The following PSMD14 variants were observed in gnomAD, a reference collection of about 807,000 sequenced individuals.
The protein encoded by PSMD14 is ubiquitin C-terminal hydrolase PSMD14.
In PSMD14, 7 loss-of-function variants were observed where a neutral mutation model predicts 41.2. The observed-to-expected ratio is 0.17, with a 90% CI of 0.10 to 0.32. PSMD14 has a LOEUF of 0.32. PSMD14 is among the 10% of genes least tolerant of loss of function. PSMD14 has a pLI of 1.00. For synonymous variants in PSMD14, 114 were observed against 122.3 expected (o/e 0.93, Z 0.45); for missense variants, 139 against 375.6 (o/e 0.37, Z 5.21).
At chr2:161,309,310 T>C (rs1689061792) in intron 1 of PSMD14, among the ~76,000 whole-genome samples, 1 of 152,184 alleles carries the variant, frequency 6.6e-6, no homozygotes, top group African/African-American at 2.4e-5. Flanking sequence ...ATGTAAACTT[T>C]TGAGTCTATA....
At chr2:161,331,960 A>G (rs944343252) in intron 3 of PSMD14, among the ~76,000 whole-genome samples, 1 of 152,190 alleles carries the variant, frequency 6.6e-6, no homozygotes, top group Non-Finnish European at 1.5e-5. Context: ...CTGGAACACA[A>G]CTTTTTCTGA....
intron 3 of PSMD14, among the ~76,000 whole-genome samples, chr2:161,329,369 A>G (rs576494339): frequency 1.3e-5 from 2 of 152,254 alleles, no homozygotes; most frequent in South Asian, 2.1e-4. Context: ...AATTTTTGCT[A>G]TAAGCACTGG....
chr2:161,382,047 A>G (rs1215277437), intron 7 of PSMD14: 1 of 151,742 alleles, frequency 6.6e-6, no homozygotes, highest in Non-Finnish European at 1.5e-5. Flanking sequence ...CTGTTATATC[A>G]CAGTTTGTTG....
chr2:161,323,524 G>T (rs928431219), intron 3 of PSMD14, among the ~76,000 whole-genome samples: 1 of 152,104 alleles, frequency 6.6e-6, no homozygotes, highest in African/African-American at 2.4e-5. Flanking sequence ...TCACCTGGGT[G>T]TCGTGGTGCA....
chr2:161,394,267 C>T (rs1021238343), intron 9 of PSMD14, among the ~76,000 whole-genome samples: 1 of 151,974 alleles, frequency 6.6e-6, no homozygotes, highest in Non-Finnish European at 1.5e-5. Context: ...CCACTGTGCC[C>T]GGCCTAGATA....
At chr2:161,355,801 T>A (rs2105249665) in intron 3 of PSMD14, among the ~76,000 whole-genome samples, 1 of 152,330 alleles carries the variant, frequency 6.6e-6, no homozygotes. Flanking sequence ...ATCCCAAGGT[T>A]AAGATGATTA....
chr2:161,403,719 T>G (rs1244358522), intron 10 of PSMD14, among the ~76,000 whole-genome samples: 1 of 152,016 alleles, frequency 6.6e-6, no homozygotes, highest in South Asian at 2.1e-4. Context: ...TTCTTCTAAC[T>G]TATAATGCTT....
chr2:161,392,340 A>T (rs1683723358), intron 9 of PSMD14, among the ~76,000 whole-genome samples: 1 of 152,170 alleles, frequency 6.6e-6, no homozygotes, highest in African/African-American at 2.4e-5. Flanking sequence ...GTGATAAGTA[A>T]TCAGTAGCAA....
chr2:161,339,422 C>T (rs1253525294), intron 3 of PSMD14, among the ~76,000 whole-genome samples: 1 of 151,118 alleles, frequency 6.6e-6, no homozygotes, highest in Non-Finnish European at 1.5e-5. Flanking sequence ...TGCTTATTTG[C>T]CATTCATCTA....
intron 1 of PSMD14, among the ~76,000 whole-genome samples, chr2:161,309,005 T>A (rs1559034481): frequency 6.6e-6 from 1 of 152,204 alleles, no homozygotes; most frequent in Non-Finnish European, 1.5e-5. Flanking sequence ...GTTTGTTTTA[T>A]CTCTTGTCCT....
chr2:161,359,530 A>G (rs1183488160), intron 3 of PSMD14, among the ~76,000 whole-genome samples: 1 of 152,100 alleles, frequency 6.6e-6, no homozygotes, highest in East Asian at 1.9e-4. Context: ...GGAAAAAGGC[A>G]TATTTTAATT....
At chr2:161,409,942 C>T (rs1684001517) in intron 11 of PSMD14, among the ~76,000 whole-genome samples, 1 of 151,714 alleles carries the variant, frequency 6.6e-6, no homozygotes, top group South Asian at 2.1e-4. Context: ...CAACTTGGAG[C>T]CTTATACTTT....
At chr2:161,358,404 A>T (rs749634190) in intron 3 of PSMD14, among the ~76,000 whole-genome samples, 2 of 152,192 alleles carry the variant, frequency 1.3e-5, no homozygotes, top group Non-Finnish European at 2.9e-5. Context: ...TTAGTTTCTT[A>T]TTTATGTCTA....
At chr2:161,410,689 A>G (rs1049289328) in intron 11 of PSMD14, among the ~76,000 whole-genome samples, 1 of 152,128 alleles carries the variant, frequency 6.6e-6, no homozygotes, top group African/African-American at 2.4e-5. Flanking sequence ...AAATAGCTAC[A>G]TGAAACATTC....
intron 3 of PSMD14, 197 bp downstream of exon 3, chr2:161,319,070 C>T: frequency 2.4e-6 from 1 of 410,486 alleles, no homozygotes; most frequent in Non-Finnish European, 4.3e-6. Context: ...GTTTACTTTT[C>T]TCCTGGGAAT....
At chr2:161,365,713 G>A (rs77772075) in intron 3 of PSMD14, among the ~76,000 whole-genome samples, 1,612 of 152,156 alleles carry the variant, frequency 0.011, 11 homozygotes, top group Non-Finnish European at 0.017. Flanking sequence ...GGTGGGGGGT[G>A]ATGTTTTGAT....
intron 2 of PSMD14, 107 bp from the exon 3 acceptor site, chr2:161,318,715 C>A: frequency 2.6e-6 from 2 of 783,110 alleles, no homozygotes; most frequent in African/African-American, 1.7e-5. Context: ...TTGTAATTAC[C>A]ACCAATATTT....
intron 7 of PSMD14, chr2:161,381,927 C>T (rs1428459597): frequency 6.6e-6 from 1 of 151,688 alleles, no homozygotes; most frequent in Non-Finnish European, 1.5e-5. Context: ...GTAAAGCAAC[C>T]ATGGTACTGA....
chr2:161,396,371 T>A (rs1188380485), intron 10 of PSMD14, among the ~76,000 whole-genome samples: 2 of 152,012 alleles, frequency 1.3e-5, no homozygotes, highest in Non-Finnish European at 2.9e-5. Context: ...AGATATGGAG[T>A]CAACCTAAGT....
Sources: allele counts gnomAD v4.1 joint callset (sites outside exome capture counted in the v4.1 genomes callset), GRCh38; gene constraint gnomAD v4.1.1; transcripts MANE v1.5; gene names NCBI Gene and HGNC (gene_info 2026-07-23, HGNC 2026-07-21).